The following CCDC73 variants were observed in gnomAD, a reference collection of about 807,000 sequenced individuals.
The protein encoded by CCDC73 is coiled-coil domain containing 73.
In CCDC73, 95 loss-of-function variants were observed where a neutral mutation model predicts 116.5. The ratio of observed to expected loss-of-function variants is 0.82; its 90% CI spans 0.69 to 0.97. The LOEUF (loss-of-function observed/expected upper bound fraction) is 0.97, where lower values mean the gene tolerates loss of function less well. Among genes scored for constraint, CCDC73 ranks in the 50% least tolerant of loss-of-function variants. The pLI is 0.00. For missense variants in CCDC73, 1,066 were observed against 1,206.8 expected (o/e 0.88, Z 1.73); for synonymous variants, 398 against 401.3 (o/e 0.99, Z 0.10).
In CCDC73 at chr11:32,760,168, G is replaced by A. The variant is rs1421144482; in HGVS notation, c.76C>T (p.Gln26Ter). The stretch of plus-strand genomic sequence containing the variant: ...AAACTTGTTTTGAAATCTAATAGCT[G>A]AATAGAAAACAATGTCTCTGAAGAA... Reference protein sequence around the residue: ...QSSSETLFSIQLLDFKTSLLE... With the variant: ...QSSSETLFSI Residue 26 changes from glutamine (Q) to a stop codon, truncating the protein, a stop_gained, in exon 2 of 18, where the codon CAG becomes TAG. Coordinates refer to ENST00000335185, the MANE Select transcript of CCDC73 (RefSeq NM_001008391.4). LOFTEE classifies it high-confidence loss of function. 1 of 1,602,344 alleles carries A rather than the reference G, an allele frequency of 6.2e-7. No individual in the cohort carries two copies. The highest frequency in any genetic ancestry group is 8.5e-7 in the Non-Finnish European group (1 of 1,172,006).
At chr11:32,756,990 A>C (rs1156988190) in intron 2 of CCDC73, among the ~76,000 whole-genome samples, 3 of 152,180 alleles carry the variant, frequency 2.0e-5, no homozygotes, top group African/African-American at 7.2e-5. Context: ...GAATATGCAC[A>C]GCAATATGAA....
the CCDC73 span, among the ~76,000 whole-genome samples, chr11:32,811,802 C>T: frequency 6.6e-6 from 1 of 152,186 alleles, no homozygotes; most frequent in East Asian, 1.9e-4. Flanking sequence ...GATCCACCCT[C>T]ATAACCCAAA....
chr11:32,764,077 G>T (rs532409725), intron 1 of CCDC73, among the ~76,000 whole-genome samples: 3 of 152,176 alleles, frequency 2.0e-5, no homozygotes, highest in Non-Finnish European at 4.4e-5. Flanking sequence ...ACAGTAAAAA[G>T]AAATGAACAA....
intron 2 of CCDC73, chr11:32,758,270 G>A: frequency 2.3e-6 from 1 of 435,040 alleles, no homozygotes; most frequent in Non-Finnish European, 4.6e-6. Context: ...CACTCAAAAT[G>A]GTCCAGCATT....
chr11:32,800,676 G>A, the CCDC73 span, among the ~76,000 whole-genome samples: 3 of 152,104 alleles, frequency 2.0e-5, no homozygotes, highest in African/African-American at 7.2e-5. Flanking sequence ...GGAAACTTCA[G>A]AGTAATAGTA....
intron 14 of CCDC73, among the ~76,000 whole-genome samples, chr11:32,634,817 T>C (rs1212909680): frequency 3.9e-5 from 6 of 152,290 alleles, no homozygotes; most frequent in African/African-American, 1.4e-4. Flanking sequence ...GAGGTCAATA[T>C]ACAAAAACCA....
chr11:32,734,467 T>C (rs1260328333), intron 2 of CCDC73, among the ~76,000 whole-genome samples: 1 of 150,298 alleles, frequency 6.7e-6, no homozygotes, highest in Non-Finnish European at 1.5e-5. Context: ...GGGTGTTTCT[T>C]GCACAGGGGG....
intron 3 of CCDC73, among the ~76,000 whole-genome samples, chr11:32,710,540 C>A (rs1849890330): frequency 6.6e-6 from 1 of 152,048 alleles, no homozygotes; most frequent in Admixed American, 6.6e-5. Context: ...CCACTGTGGT[C>A]TGAGAGAGTA....
rs1850127302 is a variant in CCDC73, at chr11:32,736,153, G to A, written c.136-18006C>T. On this transcript the variant is annotated intron_variant, in intron 2 of 17. Coordinates refer to ENST00000335185, the MANE Select transcript of CCDC73 (RefSeq NM_001008391.4). ...AGCAATGGCAACAAAAGCCAACATT[G>A]ACAAATGGGATCTAATTAAACTAAA... 7.9e-5 allele frequency among the ~76,000 whole-genome samples: 12 copies of A among 152,246 alleles called. No homozygotes were observed. In the South Asian group the frequency reaches 2.5e-3, roughly 32 times the overall value.
chr11:32,794,927 C>G (rs1308119286), upstream of CCDC73, among the ~76,000 whole-genome samples: 4 of 150,442 alleles, frequency 2.7e-5, no homozygotes, highest in Non-Finnish European at 5.9e-5. Flanking sequence ...TGGAGTGGCG[C>G]GATCTCGGCT....
At chr11:32,619,713 AGAG>A (rs936842327) in intron 14 of CCDC73, among the ~76,000 whole-genome samples, 8 of 151,552 alleles carry the variant, frequency 5.3e-5, no homozygotes, top group Admixed American at 1.3e-4. Flanking sequence ...AGAATGAGGA[AGAG>A]GAGGAGAAGG....
At position 32,676,012 on chromosome 11, in the gene CCDC73, C is replaced by T; in HGVS notation, c.439G>A (p.Val147Ile). The change falls in exon 8 of 18, where the codon GTC becomes ATC. Residue 147 changes from valine to isoleucine, a missense_variant. Transcript: ENST00000335185. ...QKKVSEMEQKVQLHLLAKEDY... is the reference protein window; with the variant it reads ...QKKVSEMEQKIQLHLLAKEDY... Reference sequence around the variant, plus strand: ...TCTTTAGCCAGAAGATGTAACTGGACCTTTTGTTCCTATTTTGAAGAGTAA... The same window carrying T: ...TCTTTAGCCAGAAGATGTAACTGGATCTTTTGTTCCTATTTTGAAGAGTAA... 6.3e-7 allele frequency: 1 copy of T among 1,589,672 alleles called. No individual in the cohort carries two copies. The highest frequency in any genetic ancestry group is 8.5e-7 in the Non-Finnish European group (1 of 1,172,412).
At chr11:32,606,428 T>G (rs992024802) in intron 17 of CCDC73, among the ~76,000 whole-genome samples, 2 of 152,218 alleles carry the variant, frequency 1.3e-5, no homozygotes, top group Non-Finnish European at 2.9e-5. Flanking sequence ...GGTGTGACTG[T>G]GGTCTATTAA....
At position 32,677,433 on chromosome 11, in the gene CCDC73, A is replaced by G. The variant is rs1469854942; in HGVS notation, c.430-1412T>C. ...TTGATAGCTACTTTCTTGGAATTTGAATCTTGAGCAAAAAGACTATCTAAA... is the reference window on the plus strand; with the variant it reads ...TTGATAGCTACTTTCTTGGAATTTGGATCTTGAGCAAAAAGACTATCTAAA... On this transcript the variant is annotated intron_variant, in intron 7 of 17. Coordinates refer to ENST00000335185, the MANE Select transcript of CCDC73 (RefSeq NM_001008391.4). Among the ~76,000 whole-genome samples, 3 of 151,056 alleles carry G rather than the reference A, an allele frequency of 2.0e-5. No homozygotes were observed. In the East Asian group the frequency reaches 5.8e-4, roughly 29 times the overall value.
intron 12 of CCDC73, among the ~76,000 whole-genome samples, chr11:32,651,667 A>G (rs1443637431): frequency 1.3e-5 from 2 of 152,216 alleles, no homozygotes; most frequent in Non-Finnish European, 2.9e-5. Flanking sequence ...TCAAAATAAA[A>G]TCTTCAAGAC....
chr11:32,661,110 G>A (rs1855918648), intron 9 of CCDC73, among the ~76,000 whole-genome samples: 1 of 152,072 alleles, frequency 6.6e-6, no homozygotes, highest in Non-Finnish European at 1.5e-5. Flanking sequence ...GAAAGGGGAA[G>A]GCTGAATGAA....
intron 6 of CCDC73, among the ~76,000 whole-genome samples, chr11:32,691,286 T>TC (rs1232212504): frequency 6.6e-6 from 1 of 152,172 alleles, no homozygotes; most frequent in Non-Finnish European, 1.5e-5. Flanking sequence ...CCTCTGGTGA[T>TC]CTGCCTGCCT....
intron 1 of CCDC73, among the ~76,000 whole-genome samples, chr11:32,762,778 T>A (rs1006318531): frequency 6.6e-6 from 1 of 151,328 alleles, no homozygotes; most frequent in Non-Finnish European, 1.5e-5. Flanking sequence ...GCACACCGAG[T>A]GAGAGTGGAA....
chr11:32,682,744 A>G (rs1856159440), intron 7 of CCDC73: 1 of 152,006 alleles, frequency 6.6e-6, no homozygotes, highest in East Asian at 1.9e-4. Flanking sequence ...GCTAGAAGGG[A>G]AAAATATCAA....
Sources: gnomAD v4.1 joint callset for allele counts (sites outside exome capture counted in the v4.1 genomes callset) on GRCh38, gnomAD v4.1.1 for gene constraint, MANE v1.5 for transcripts, NCBI Gene and HGNC (gene_info 2026-07-23, HGNC 2026-07-21) for gene names.